The following DENND1A variants were observed in gnomAD, a reference collection of about 807,000 sequenced individuals.
DENND1A encodes DENN domain-containing protein 1A.
DENND1A carries 51 observed loss-of-function variants against 113.7 expected under a neutral mutation model. The observed-to-expected ratio is 0.45, with a 90% CI of 0.36 to 0.57. DENND1A has a LOEUF of 0.57. Ranked by LOEUF, DENND1A falls within the 20% of genes least tolerant of loss-of-function variation. The pLI is 0.00. For missense variants in DENND1A, 1,258 were observed against 1,395.9 expected (o/e 0.90, Z 1.57); for synonymous variants, 565 against 570.8 (o/e 0.99, Z 0.14).
chr9:123,888,802 T>G (rs919791892), intron 1 of DENND1A, among the ~76,000 whole-genome samples: 6 of 152,234 alleles, frequency 3.9e-5, no homozygotes, highest in Admixed American at 2.0e-4. Flanking sequence ...GAAACCTGAA[T>G]GCAGTCTTAG....
chr9:123,418,819 G>A (rs1489462571), intron 19 of DENND1A, among the ~76,000 whole-genome samples: 2 of 152,204 alleles, frequency 1.3e-5, no homozygotes, highest in East Asian at 1.9e-4. Flanking sequence ...GAGCAAGTGC[G>A]TAACAGGCCC....
At chr9:123,657,692 C>T (rs1210044892) in intron 8 of DENND1A, among the ~76,000 whole-genome samples, 2 of 151,860 alleles carry the variant, frequency 1.3e-5, no homozygotes, top group African/African-American at 4.8e-5. Context: ...GTCAGTGGGT[C>T]TTGTTTACTG....
intron 5 of DENND1A, among the ~76,000 whole-genome samples, chr9:123,750,505 A>G (rs1442178006): frequency 6.6e-6 from 1 of 152,210 alleles, no homozygotes; most frequent in Non-Finnish European, 1.5e-5. Flanking sequence ...CCCATCCTCT[A>G]TGTTCAGCTT....
chr9:123,475,853 G>A (rs2049868059), intron 13 of DENND1A, among the ~76,000 whole-genome samples: 1 of 152,230 alleles, frequency 6.6e-6, no homozygotes. Context: ...GATCATCTGG[G>A]GGGACAGCTT....
At chr9:123,728,731 A>T (rs2067935296) in intron 5 of DENND1A, among the ~76,000 whole-genome samples, 1 of 152,198 alleles carries the variant, frequency 6.6e-6, no homozygotes, top group South Asian at 2.1e-4. Flanking sequence ...TGATGCCACG[A>T]TTAAGACAGT....
chr9:123,689,444 A>AT (rs1439261524), intron 5 of DENND1A, among the ~76,000 whole-genome samples: 1 of 152,176 alleles, frequency 6.6e-6, no homozygotes, highest in Non-Finnish European at 1.5e-5. Context: ...CGCATGAATC[A>AT]TTTTTACTAT....
chr9:123,535,205 AGTGTC>A (rs2055650416), intron 13 of DENND1A, among the ~76,000 whole-genome samples: 1 of 152,148 alleles, frequency 6.6e-6, no homozygotes, highest in South Asian at 2.1e-4. Context: ...AGCCAAAATA[AGTGTC>A]GTAAAACTTA....
At chr9:123,704,496 G>A (rs73665340) in intron 5 of DENND1A, among the ~76,000 whole-genome samples, 27,941 of 151,988 alleles carry the variant, frequency 0.18, 2,760 homozygotes, top group African/African-American at 0.27. Context: ...TTCACCCATC[G>A]TGGTCTCATA....
At chr9:123,694,351 T>C (rs2065374690) in intron 5 of DENND1A, among the ~76,000 whole-genome samples, 1 of 152,146 alleles carries the variant, frequency 6.6e-6, no homozygotes, top group Non-Finnish European at 1.5e-5. Flanking sequence ...ACCCAAGCTC[T>C]GTGTCATCAA....
At chr9:123,893,011 A>G (rs1051363543) in intron 1 of DENND1A, among the ~76,000 whole-genome samples, 16 of 152,074 alleles carry the variant, frequency 1.1e-4, no homozygotes, top group Non-Finnish European at 2.2e-4. Flanking sequence ...ATAATAAAGA[A>G]TAAGAATAAA....
intron 13 of DENND1A, among the ~76,000 whole-genome samples, chr9:123,526,485 C>A (rs1333747861): frequency 3.9e-5 from 6 of 152,192 alleles, no homozygotes; most frequent in African/African-American, 1.4e-4. Context: ...TGTCTTCCCT[C>A]AGCCCTACAT....
intron 19 of DENND1A, among the ~76,000 whole-genome samples, chr9:123,426,102 C>T (rs922137846): frequency 6.6e-6 from 1 of 152,178 alleles, no homozygotes; most frequent in Non-Finnish European, 1.5e-5. Context: ...GAAGGCCTAG[C>T]TGTGGTCAGG....
chr9:123,881,820 C>T (rs1050717241), intron 1 of DENND1A, among the ~76,000 whole-genome samples: 7 of 152,154 alleles, frequency 4.6e-5, no homozygotes, highest in Non-Finnish European at 7.3e-5. Flanking sequence ...TCTGAACCCA[C>T]GACACCACTG....
chr9:123,600,889 C>T (rs1198204214), intron 11 of DENND1A, among the ~76,000 whole-genome samples: 3 of 151,958 alleles, frequency 2.0e-5, no homozygotes, highest in Non-Finnish European at 4.4e-5. Context: ...AGAATATGAA[C>T]TCAGGTCCAT....
chr9:123,596,526 T>G (rs910455866), intron 11 of DENND1A, among the ~76,000 whole-genome samples: 6 of 152,202 alleles, frequency 3.9e-5, no homozygotes, highest in Non-Finnish European at 8.8e-5. Flanking sequence ...GTACAGTAAT[T>G]TGCCCCAGAT....
At chr9:123,746,144 G>A (rs16926790) in intron 5 of DENND1A, among the ~76,000 whole-genome samples, 7,712 of 152,164 alleles carry the variant, frequency 0.051, 315 homozygotes, top group African/African-American at 0.11. Context: ...TACATTTGAC[G>A]CCCTTTTCTG....
At chr9:123,468,237 G>A (rs1191170499) in intron 13 of DENND1A, among the ~76,000 whole-genome samples, 2 of 152,192 alleles carry the variant, frequency 1.3e-5, no homozygotes, top group African/African-American at 4.8e-5. Flanking sequence ...TGTGGGTAGA[G>A]CTACCTGCCT....
chr9:123,686,397 G>C (rs527756867), intron 5 of DENND1A, among the ~76,000 whole-genome samples: 14 of 152,154 alleles, frequency 9.2e-5, no homozygotes, highest in Non-Finnish European at 1.9e-4. Flanking sequence ...CTGAGATTAG[G>C]ATATAAAATC....
At chr9:123,798,744 A>AAAAAAT (rs1834155830) in intron 2 of DENND1A, among the ~76,000 whole-genome samples, 1 of 151,754 alleles carries the variant, frequency 6.6e-6, no homozygotes, top group Non-Finnish European at 1.5e-5. Flanking sequence ...AAAAAAAAAA[A>AAAAAAT]AAAAATCAAA....
Sources: allele counts gnomAD v4.1 joint callset (sites outside exome capture counted in the v4.1 genomes callset), GRCh38; gene constraint gnomAD v4.1.1; transcripts MANE v1.5; gene names NCBI Gene and HGNC (gene_info 2026-07-23, HGNC 2026-07-21).